Variants in LRRN1 observed in about 807,000 individuals in gnomAD.
LRRN1 encodes the protein leucine-rich repeat neuronal protein 1.
In LRRN1, 14 loss-of-function variants were observed where a neutral mutation model predicts 45.8. The ratio of observed to expected loss-of-function variants is 0.31; its 90% CI spans 0.20 to 0.48. The LOEUF (loss-of-function observed/expected upper bound fraction) is 0.48. Among genes scored for constraint, LRRN1 ranks in the 20% least tolerant of loss-of-function variants. The pLI, the probability that LRRN1 is intolerant of heterozygous loss-of-function variation, is 0.99. For synonymous variants in LRRN1, 359 were observed against 330.1 expected (o/e 1.09, Z -0.95); for missense variants, 789 against 874.2 (o/e 0.90, Z 1.23).
rs1575305438 is a variant in LRRN1, at chr3:3,845,820, G to T, written c.1179G>T (p.Glu393Asp). 1.2e-6 allele frequency: 2 copies of T among 1,614,114 alleles called. No individual in the cohort carries two copies. Among genetic ancestry groups the T allele is most frequent in the Non-Finnish European group, 1.7e-6 (2 of 1,180,022 alleles). The change falls in exon 2 of 2, where the codon GAG (glutamate) becomes GAT (aspartate). Residue 393 changes from glutamate to aspartate, a missense_variant. Coordinates refer to ENST00000319331, the MANE Select transcript of LRRN1 (RefSeq NM_020873.7). The surrounding 1 kb of genome is among the most constrained non-coding windows in gnomAD (Gnocchi z 6.5). The part of the protein sequence containing the change: ...NSNKTNIRFM[E>D]PLSMFCAMPP... ...ACAAAACCAACATCCGCTTCATGGA[G>T]CCCCTGTCCATGTTCTGTGCCATGC...
Position 3,848,014 on chromosome 3 carries a change from C to G in LRRN1, c.*1222C>G, listed in dbSNP as rs1276465922. ...ATATATATGAATATATTGGATATGTCATTTCTGTAAGAGTTTTGTTAAAAC... is the reference window on the plus strand; with the variant it reads ...ATATATATGAATATATTGGATATGTGATTTCTGTAAGAGTTTTGTTAAAAC... On this transcript the variant is annotated 3_prime_UTR_variant, in exon 2 of 2. Transcript: ENST00000319331. 6.6e-6 allele frequency among the ~76,000 whole-genome samples: 1 copy of G among 152,098 alleles called. No homozygotes were observed. Among genetic ancestry groups the G allele is most frequent in the Non-Finnish European group, 1.5e-5 (1 of 68,030 alleles).
intron 1 of LRRN1, among the ~76,000 whole-genome samples, chr3:3,836,735 G>T (rs1693524597): frequency 6.6e-6 from 1 of 152,160 alleles, no homozygotes; most frequent in South Asian, 2.1e-4. Flanking sequence ...TTACAAAAAG[G>T]AGTGGGATAT....
In LRRN1 at chr3:3,816,530, C is replaced by G. The variant is rs1214784691; in HGVS notation, c.-279+16611C>G. ...AAGAAAATAATTTAACCAGGGCTTT[C>G]AATTAAGAAAAAAAAATATTCCAAT... On this transcript the variant is annotated intron_variant, in intron 1 of 1. Transcript: ENST00000319331. This position sits in a 1 kb window ranked among gnomAD's most constrained non-coding sequence, Gnocchi z 4.0. Among the ~76,000 whole-genome samples the G allele has an allele frequency of 6.6e-6, 1 of 151,550 alleles. No individual in the cohort carries two copies. The highest frequency in any genetic ancestry group is 1.9e-4 in the East Asian group (1 of 5,186).
In LRRN1 at chr3:3,830,216, A is replaced by G. The variant is rs142246669; in HGVS notation, c.-278-14148A>G. Among the ~76,000 whole-genome samples the G allele has an allele frequency of 4.7e-3, 720 of 152,350 alleles. 6 individuals are homozygous for G. The highest frequency in any genetic ancestry group is 0.017 in the African/African-American group (695 of 41,578). On this transcript the variant is annotated intron_variant, in intron 1 of 1. Coordinates refer to ENST00000319331, the MANE Select transcript of LRRN1 (RefSeq NM_020873.7). ...AGGTCACCCATTGGTGAGCACTCACATGGGATACAAACATCTTCACAGTTT... is the reference window on the plus strand; with the variant it reads ...AGGTCACCCATTGGTGAGCACTCACGTGGGATACAAACATCTTCACAGTTT...
chr3:3,802,470 C>T (rs1183738209), intron 1 of LRRN1, among the ~76,000 whole-genome samples: 1 of 152,102 alleles, frequency 6.6e-6, no homozygotes, highest in Non-Finnish European at 1.5e-5. Flanking sequence ...CCAACCCCCG[C>T]CAGAAAAAAA....
At chr3:3,825,881 T>C (rs888064605) in intron 1 of LRRN1, among the ~76,000 whole-genome samples, 1 of 152,284 alleles carries the variant, frequency 6.6e-6, no homozygotes, top group East Asian at 1.9e-4. Flanking sequence ...TATTTGAAAA[T>C]TTATATCTAA....
chr3:3,808,066 T>G (rs2106451295), intron 1 of LRRN1, among the ~76,000 whole-genome samples: 1 of 152,334 alleles, frequency 6.6e-6, no homozygotes, highest in South Asian at 2.1e-4. Context: ...ATTCACACTG[T>G]CAAATTGGAG....
intron 1 of LRRN1, chr3:3,800,718 G>C (rs1406784410): frequency 6.7e-6 from 1 of 149,626 alleles, no homozygotes; most frequent in Non-Finnish European, 1.5e-5. Context: ...CGTGAGCCTT[G>C]AGCTCCACGC....
At chr3:3,805,469 T>C (rs1692732521) in intron 1 of LRRN1, among the ~76,000 whole-genome samples, 1 of 152,166 alleles carries the variant, frequency 6.6e-6, no homozygotes, top group African/African-American at 2.4e-5. Flanking sequence ...AATGACTCAA[T>C]GTCTGACCTT....
chr3:3,835,458 C>G (rs116831245), intron 1 of LRRN1, among the ~76,000 whole-genome samples: 1 of 152,016 alleles, frequency 6.6e-6, no homozygotes, highest in African/African-American at 2.4e-5. Context: ...GTTGAACTAT[C>G]GTCAGTTGGG....
chr3:3,841,218 G>A (rs1468889405), intron 1 of LRRN1, among the ~76,000 whole-genome samples: 1 of 150,520 alleles, frequency 6.6e-6, no homozygotes, highest in Non-Finnish European at 1.5e-5. Context: ...TTAAACCCGG[G>A]AGGCAGAGGT....
chr3:3,846,293 C>T lies in LRRN1; in HGVS notation c.1652C>T (p.Thr551Met), dbSNP rs145686073. The change falls in exon 2 of 2, where the codon ACG becomes ATG. Residue 551 changes from threonine to methionine, a missense_variant. Physicochemically the swap from Thr to Met is moderately conservative, Grantham distance 81. Coordinates refer to ENST00000319331, the MANE Select transcript of LRRN1 (RefSeq NM_020873.7). This position sits in a 1 kb window ranked among gnomAD's most constrained non-coding sequence, Gnocchi z 5.7. ...TGGAAAGTTAATTCCAATGTCATGA[C>T]GTCAAACTTAAAATGGTCGTCTGCC... ...VSWKVNSNVM[T>M]SNLKWSSATM... The T allele has an allele frequency of 1.9e-4, 308 of 1,613,890 alleles. No individual in the cohort carries two copies. The highest frequency in any genetic ancestry group is 2.3e-4 in the Non-Finnish European group (276 of 1,180,012).
chr3:3,834,577 TATA>T (rs1420161431), intron 1 of LRRN1, among the ~76,000 whole-genome samples: 14 of 106,258 alleles, frequency 1.3e-4, no homozygotes, highest in Admixed American at 1.1e-3. Context: ...TTATACATAT[TATA>T]TATCATATTT....
chr3:3,813,817 G>T (rs962347085), intron 1 of LRRN1, among the ~76,000 whole-genome samples: 2 of 152,058 alleles, frequency 1.3e-5, no homozygotes, highest in Non-Finnish European at 2.9e-5. Context: ...CCTGCCTATT[G>T]ACCCAGCAGG....
At position 3,838,628 on chromosome 3, in the gene LRRN1, T is replaced by C. The variant is rs537099953; in HGVS notation, c.-278-5736T>C. Among the ~76,000 whole-genome samples the C allele has an allele frequency of 7.2e-4, 109 of 152,342 alleles. 1 individual carries two copies. In the South Asian group the frequency reaches 0.012, roughly 17 times the overall value. ...ATTGTTTTCCATAATGGTTGCACCA[T>C]TTTACATTCTCTACAACAGTGAACA... On this transcript the variant is annotated intron_variant, in intron 1 of 1. Coordinates refer to ENST00000319331, the MANE Select transcript of LRRN1 (RefSeq NM_020873.7).
chr3:3,839,442 T>C (rs991124315), intron 1 of LRRN1, among the ~76,000 whole-genome samples: 1 of 152,188 alleles, frequency 6.6e-6, no homozygotes, highest in Non-Finnish European at 1.5e-5. Context: ...TCCAACATTG[T>C]TCTTTTTCAG....
chr3:3,802,766 T>A (rs1333254528), intron 1 of LRRN1, among the ~76,000 whole-genome samples: 1 of 152,240 alleles, frequency 6.6e-6, no homozygotes, highest in Non-Finnish European at 1.5e-5. Context: ...GTCTTCCTGA[T>A]AGAGTTGAAG....
chr3:3,837,330 CT>C (rs1455038751), intron 1 of LRRN1, among the ~76,000 whole-genome samples: 6 of 45,672 alleles, frequency 1.3e-4, no homozygotes, highest in Admixed American at 2.6e-4. Flanking sequence ...TTTATTACTC[CT>C]TCCCCCCCCC....
intron 1 of LRRN1, among the ~76,000 whole-genome samples, chr3:3,800,382 G>A (rs1692620849): frequency 6.6e-6 from 1 of 152,124 alleles, no homozygotes; most frequent in East Asian, 1.9e-4. Flanking sequence ...CAAGAGGAGG[G>A]CAAGGAAGGT....
Sources: allele counts gnomAD v4.1 joint callset (sites outside exome capture counted in the v4.1 genomes callset), GRCh38; gene constraint gnomAD v4.1.1; non-coding constraint Gnocchi (gnomAD v3.1); transcripts MANE v1.5; gene names NCBI Gene and HGNC (gene_info 2026-07-23, HGNC 2026-07-21).